ADGRV1: variants seen among roughly 807,000 people sequenced by gnomAD.
The protein encoded by ADGRV1 is adhesion G protein-coupled receptor V1.
Under a neutral mutation model 596.2 loss-of-function variants are expected in ADGRV1, and 359 were observed. The ratio of observed to expected loss-of-function variants is 0.60; its 90% CI spans 0.55 to 0.66. The LOEUF (loss-of-function observed/expected upper bound fraction) is 0.66, where lower values mean the gene tolerates loss of function less well. Ranked by LOEUF, ADGRV1 falls within the 30% of genes least tolerant of loss-of-function variation. ADGRV1 has a pLI of 0.00. For missense variants in ADGRV1, 7,274 were observed against 7,575.6 expected, an observed-to-expected ratio of 0.96 and a Z score of 1.48; for synonymous variants, 2,681 against 2,679.2, an observed-to-expected ratio of 1.00 and a Z score of -0.02.
chr5:90,947,713 T>C lies in ADGRV1; in HGVS notation c.17857-17702T>C, dbSNP rs186762050. ...GGGTGAGGAAGGTCAGTACAGGCAC[T>C]CTACCTAAAAGTCTTATCAAACAAA... On this transcript the variant is annotated intron_variant, in intron 83 of 89. Transcript: ENST00000405460. 2.4e-3 allele frequency among the ~76,000 whole-genome samples: 371 copies of C among 152,234 alleles called. 1 individual carries two copies. The highest frequency in any genetic ancestry group is 7.3e-3 in the Admixed American group (111 of 15,290).
chr5:90,971,017 G>A (rs1241382397), intron 84 of ADGRV1, among the ~76,000 whole-genome samples: 1 of 152,160 alleles, frequency 6.6e-6, no homozygotes, highest in East Asian at 1.9e-4. Flanking sequence ...TAAATGACCT[G>A]ATGGAGCTGA....
chr5:90,786,750 C>CAT, intron 67 of ADGRV1, among the ~76,000 whole-genome samples: 1 of 152,124 alleles, frequency 6.6e-6, no homozygotes, highest in Admixed American at 6.5e-5. Context: ...TAAGTTTGAG[C>CAT]AGCTGGATAA....
At chr5:90,912,936 T>A (rs1319756282) in intron 83 of ADGRV1, among the ~76,000 whole-genome samples, 1 of 152,232 alleles carries the variant, frequency 6.6e-6, no homozygotes, top group Non-Finnish European at 1.5e-5. Context: ...TTTATTTCTC[T>A]GTAGTAGAAA....
chr5:90,565,822 T>G (rs12332758), intron 1 of ADGRV1, among the ~76,000 whole-genome samples: 19 of 152,264 alleles, frequency 1.2e-4, no homozygotes, highest in South Asian at 6.2e-4. Context: ...ATGAGAGTTT[T>G]GATTTCTCTC....
chr5:90,781,487 A>G lies in ADGRV1; in HGVS notation c.13140A>G (p.Ile4380Met). Reference sequence around the variant, plus strand: ...TTCAGATAGATCAACCTCCTGAAATAGGAAACATCTCCATTGTTCGCATCA... The same window carrying G: ...TTCAGATAGATCAACCTCCTGAAATGGGAAACATCTCCATTGTTCGCATCA... ...NGLQIDQPPE[I>M]GNISIVRIII... The change falls in exon 65 of 90, where the codon ATA (isoleucine) becomes ATG (methionine). Residue 4380 changes from isoleucine to methionine, a missense_variant. By Grantham distance (10) the Ile-to-Met change is conservative (BLOSUM62 1). Transcript: ENST00000405460. 1.9e-6 allele frequency: 3 copies of G among 1,610,532 alleles called. No homozygotes were observed. Among genetic ancestry groups the G allele is most frequent in the African/African-American group, 2.7e-5 (2 of 74,998 alleles).
Position 90,721,096 on chromosome 5 carries a change from C to T in ADGRV1, c.9748+37C>T, listed in dbSNP as rs756133522. On this transcript the variant is annotated intron_variant, in intron 45 of 89. Coordinates refer to ENST00000405460, the MANE Select transcript of ADGRV1 (RefSeq NM_032119.4). The stretch of plus-strand genomic sequence containing the variant: ...TTCTTATGAGAACAAAATTCTGTAA[C>T]GAAAAAATATTGCATGTATAAGATT... 2.8e-5 allele frequency: 44 copies of T among 1,574,028 alleles called. No homozygotes were observed. The South Asian group carries it at 3.0e-4, about 11-fold the overall frequency.
chr5:90,902,783 AT>A (rs1448600398), intron 83 of ADGRV1, among the ~76,000 whole-genome samples: 2 of 151,948 alleles, frequency 1.3e-5, no homozygotes, highest in African/African-American at 4.8e-5. Context: ...GAACATCTGG[AT>A]TTTTCAGAAG....
At chr5:90,745,435 A>C (rs944376197) in intron 51 of ADGRV1, among the ~76,000 whole-genome samples, 156 bp from the exon 52 acceptor site, 1 of 152,214 alleles carries the variant, frequency 6.6e-6, no homozygotes, top group Non-Finnish European at 1.5e-5. Context: ...TATCAAGTTT[A>C]TCAGTATTAC....
rs1323720537 is a variant in ADGRV1 at position 91,034,453 on chromosome 5, G to C, written c.18153-37994G>C. 2.0e-5 allele frequency among the ~76,000 whole-genome samples: 3 copies of C among 152,140 alleles called. No homozygotes were observed. In the East Asian group the frequency reaches 5.8e-4, roughly 29 times the overall value. ...AATAATTCTGTTTTATTTTAGAAAAGAATGTGTTTTTAGAAGTTTTATTCT... is the reference window on the plus strand; with the variant it reads ...AATAATTCTGTTTTATTTTAGAAAACAATGTGTTTTTAGAAGTTTTATTCT... On this transcript the variant is annotated intron_variant, in intron 85 of 89. Transcript: ENST00000405460.
intron 39 of ADGRV1, among the ~76,000 whole-genome samples, chr5:90,709,839 TC>T (rs1355733230): frequency 6.6e-6 from 1 of 152,274 alleles, no homozygotes; most frequent in Admixed American, 6.5e-5. Context: ...ATTTCTTTCA[TC>T]CTCTTACTGA....
At position 90,652,532 on chromosome 5, in the gene ADGRV1, A is replaced by G; in HGVS notation, c.3603A>G (p.Glu1201=). Residue 1201 remains glutamate, a synonymous_variant, in exon 19 of 90, where the codon GAA becomes GAG. Transcript: ENST00000405460. Reference sequence around the variant, plus strand: ...CAGATAAAATTCCTGAATTCAATGAATTTTATTTCCTAAAACTTGTAAACA... The same window carrying G: ...CAGATAAAATTCCTGAATTCAATGAGTTTTATTTCCTAAAACTTGTAAACA... ...AFPDKIPEFN[E]FYFLKLVNIS... 1.2e-5 allele frequency: 20 copies of G among 1,611,418 alleles called. No homozygotes were observed. The highest frequency in any genetic ancestry group is 1.7e-5 in the Non-Finnish European group (20 of 1,178,250).
chr5:90,575,201 C>CT (rs1171429410), intron 1 of ADGRV1, among the ~76,000 whole-genome samples: 1 of 151,218 alleles, frequency 6.6e-6, no homozygotes, highest in Non-Finnish European at 1.5e-5. Flanking sequence ...TGAGACCTTT[C>CT]TAACTTTTTT....
chr5:90,689,704 TA>T (rs1285063766), intron 29 of ADGRV1, among the ~76,000 whole-genome samples, 156 bp from the exon 30 acceptor site: 1 of 152,186 alleles, frequency 6.6e-6, no homozygotes, highest in Non-Finnish European at 1.5e-5. Context: ...CTGAGAGGCA[TA>T]AAAGTCTTCT....
chr5:90,994,341 G>T lies in ADGRV1; in HGVS notation c.18152+8819G>T, dbSNP rs148694373. Among the ~76,000 whole-genome samples the T allele has an allele frequency of 8.5e-5, 13 of 152,204 alleles. No homozygotes were observed. In the East Asian group the frequency reaches 2.3e-3, roughly 27 times the overall value. ...GCCTCCCAAAGTGCTGGGATTACAG[G>T]CATGAGCTGCCATGCCCGGCCTAGT... On this transcript the variant is annotated intron_variant, in intron 85 of 89. Transcript: ENST00000405460.
At position 90,694,600 on chromosome 5, in the gene ADGRV1, G is replaced by C. The variant is rs1203664026; in HGVS notation, c.7844G>C (p.Gly2615Ala). The C allele has an allele frequency of 6.2e-7, 1 of 1,613,844 alleles. No individual in the cohort carries two copies. The highest frequency in any genetic ancestry group is 1.7e-5 in the Admixed American group (1 of 60,002). Residue 2615 changes from glycine (G) to alanine (A), a missense_variant, in exon 33 of 90, where the codon GGC becomes GCC. Gly to Ala is a moderately conservative substitution (Grantham distance 60, BLOSUM62 0). Coordinates refer to ENST00000405460, the MANE Select transcript of ADGRV1 (RefSeq NM_032119.4). ...LVELMIHRTG[G>A]SLGQVAVEWR... Reference sequence around the variant, plus strand: ...GAGCTGATGATACACAGGACAGGGGGCAGCTTAGGTCAAGTGGCAGTCGAA... The same window carrying C: ...GAGCTGATGATACACAGGACAGGGGCCAGCTTAGGTCAAGTGGCAGTCGAA...
intron 85 of ADGRV1, among the ~76,000 whole-genome samples, chr5:91,043,384 C>T (rs568328701): frequency 2.0e-5 from 3 of 152,206 alleles, no homozygotes; most frequent in South Asian, 2.1e-4. Flanking sequence ...TGATACTCTT[C>T]GGGGCTCTAG....
At chr5:90,746,283 A>G (rs1754620033) in intron 52 of ADGRV1, among the ~76,000 whole-genome samples, 1 of 151,582 alleles carries the variant, frequency 6.6e-6, no homozygotes, top group Admixed American at 6.6e-5. Context: ...AATTATATGT[A>G]TGTTGGACAT....
chr5:91,158,935 C>G (rs562846721), intron 89 of ADGRV1, among the ~76,000 whole-genome samples: 1 of 152,126 alleles, frequency 6.6e-6, no homozygotes, highest in East Asian at 1.9e-4. Flanking sequence ...GTGACTAGGC[C>G]TTTCAATAGC....
chr5:91,118,752 T>C (rs1201953820), intron 87 of ADGRV1, among the ~76,000 whole-genome samples: 1 of 152,184 alleles, frequency 6.6e-6, no homozygotes, highest in African/African-American at 2.4e-5. Context: ...CGAGCACTTT[T>C]TTTTTAAGAC....
Sources: allele counts gnomAD v4.1 joint callset (sites outside exome capture counted in the v4.1 genomes callset), GRCh38; gene constraint gnomAD v4.1.1; transcripts MANE v1.5; gene names NCBI Gene and HGNC (gene_info 2026-07-23, HGNC 2026-07-21).